Variants in ZNF804A observed in about 807,000 individuals in gnomAD.
ZNF804A encodes the protein zinc finger protein 804A.
A neutral mutation model predicts 16.5 loss-of-function variants in ZNF804A; 2 were observed. That is an observed-to-expected ratio of 0.12 (90% CI 0.05 to 0.38). The LOEUF (loss-of-function observed/expected upper bound fraction) is 0.38, where lower values mean the gene tolerates loss of function less well. Among genes scored for constraint, ZNF804A ranks in the 10% least tolerant of loss-of-function variants. The probability of loss-of-function intolerance (pLI) is 0.99; values close to 1 mark genes in which losing one functional copy is unlikely to be tolerated. For missense variants in ZNF804A, 1,473 were observed against 1,390.7 expected, an observed-to-expected ratio of 1.06 and a Z score of -0.94; for synonymous variants, 534 against 489.6, an observed-to-expected ratio of 1.09 and a Z score of -1.20.
intron 1 of ZNF804A, among the ~76,000 whole-genome samples, chr2:184,819,248 A>C (rs1695033945): frequency 6.6e-6 from 1 of 152,054 alleles, no homozygotes; most frequent in Non-Finnish European, 1.5e-5. Flanking sequence ...TCAAATTACA[A>C]CTCAAGACTA....
chr2:184,939,029 A>G lies in ZNF804A; in HGVS notation c.*3A>G. On this transcript the variant is annotated 3_prime_UTR_variant, in exon 4 of 4. Coordinates refer to ENST00000302277, the MANE Select transcript of ZNF804A (RefSeq NM_194250.2). ...TCCCTTTGCAACCTCTCTTCTAGTC[A>G]TCACCATAATGGGAAAAAAATACTC... 6.2e-7 allele frequency: 1 copy of G among 1,611,754 alleles called. No individual in the cohort carries two copies. Among genetic ancestry groups the G allele is most frequent in the Non-Finnish European group, 8.5e-7 (1 of 1,178,364 alleles).
chr2:184,695,612 C>A (rs1321109220), intron 1 of ZNF804A, among the ~76,000 whole-genome samples: 1 of 150,662 alleles, frequency 6.6e-6, no homozygotes, highest in Non-Finnish European at 1.5e-5. Flanking sequence ...GAGATGGGGT[C>A]TTGCCATATT....
At chr2:184,674,457 G>T (rs1447441762) in intron 1 of ZNF804A, among the ~76,000 whole-genome samples, 2 of 151,738 alleles carry the variant, frequency 1.3e-5, no homozygotes, top group Non-Finnish European at 2.9e-5. Context: ...ATGATTTTTT[G>T]CAAAACAACA....
At chr2:184,619,413 A>G (rs777783559) in intron 1 of ZNF804A, among the ~76,000 whole-genome samples, 5 of 151,980 alleles carry the variant, frequency 3.3e-5, no homozygotes, top group Non-Finnish European at 7.4e-5. Context: ...ATTTATGTTG[A>G]GAAAATATTG....
chr2:184,602,082 T>G (rs1559104872), intron 1 of ZNF804A, among the ~76,000 whole-genome samples: 1 of 151,862 alleles, frequency 6.6e-6, no homozygotes, highest in Non-Finnish European at 1.5e-5. Flanking sequence ...GAGAAGATAG[T>G]CAAAATATAT....
rs187143425 is a variant in ZNF804A, at chr2:184,664,462, T to C, written c.111+65392T>C. Among the ~76,000 whole-genome samples, 47 of 152,314 alleles carry C rather than the reference T, an allele frequency of 3.1e-4. 1 individual carries two copies. The East Asian group carries it at 9.1e-3, about 29-fold the overall frequency. On this transcript the variant is annotated intron_variant, in intron 1 of 3. Coordinates refer to ENST00000302277, the MANE Select transcript of ZNF804A (RefSeq NM_194250.2). Reference sequence around the variant, plus strand: ...ACTATAACCTTAAATATGAAGAACATGTATTTCCTCTTAGTAATTCTGATC... The same window carrying C: ...ACTATAACCTTAAATATGAAGAACACGTATTTCCTCTTAGTAATTCTGATC...
chr2:184,906,578 G>A (rs892542822), intron 2 of ZNF804A, among the ~76,000 whole-genome samples: 1 of 151,932 alleles, frequency 6.6e-6, no homozygotes. Context: ...TGGGATTATG[G>A]GCATGAGCCA....
rs976186391 is a variant in ZNF804A, at chr2:184,834,752, T to A, written c.112-31617T>A. Among the ~76,000 whole-genome samples the A allele has an allele frequency of 3.9e-4, 59 of 152,148 alleles. 1 individual carries two copies. Among genetic ancestry groups the A allele is most frequent in the Admixed American group, 2.6e-4 (4 of 15,242 alleles). ...ACTATCTATCACCATAGAATATTTA[T>A]GATTGCTTTTGTGTATTTTACATTC... On this transcript the variant is annotated intron_variant, in intron 1 of 3. Coordinates refer to ENST00000302277, the MANE Select transcript of ZNF804A (RefSeq NM_194250.2).
At chr2:184,714,208 T>G (rs948641630) in intron 1 of ZNF804A, among the ~76,000 whole-genome samples, 3 of 152,012 alleles carry the variant, frequency 2.0e-5, no homozygotes, top group African/African-American at 7.2e-5. Flanking sequence ...ACAAAAGTCA[T>G]TCAGAAACAT....
intron 1 of ZNF804A, among the ~76,000 whole-genome samples, chr2:184,768,487 G>A (rs1163734474): frequency 1.3e-5 from 2 of 152,036 alleles, no homozygotes; most frequent in Non-Finnish European, 2.9e-5. Context: ...AAAGAATGGT[G>A]GTTCTTAAAT....
intron 2 of ZNF804A, among the ~76,000 whole-genome samples, chr2:184,928,064 A>T (rs10192855): frequency 0.043 from 6,506 of 151,844 alleles, 446 homozygotes; most frequent in African/African-American, 0.15. Context: ...CCCCATATCC[A>T]CCACAACTGG....
At chr2:184,641,043 T>G (rs1435085023) in intron 1 of ZNF804A, among the ~76,000 whole-genome samples, 3 of 152,118 alleles carry the variant, frequency 2.0e-5, no homozygotes, top group African/African-American at 7.2e-5. Context: ...CAACCTCCGC[T>G]TCCTGGGTTC....
At chr2:184,876,804 C>T (rs1290558172) in intron 2 of ZNF804A, among the ~76,000 whole-genome samples, 2 of 152,022 alleles carry the variant, frequency 1.3e-5, no homozygotes, top group Non-Finnish European at 2.9e-5. Flanking sequence ...TTGACTCAGC[C>T]CCTGTTGAGG....
intron 1 of ZNF804A, among the ~76,000 whole-genome samples, chr2:184,688,816 T>G (rs1446407425): frequency 6.6e-6 from 1 of 152,132 alleles, no homozygotes; most frequent in Non-Finnish European, 1.5e-5. Context: ...TTTTTAAAAT[T>G]CCAATTAGAG....
intron 1 of ZNF804A, among the ~76,000 whole-genome samples, chr2:184,635,483 T>G (rs1418902043): frequency 6.6e-6 from 1 of 152,150 alleles, no homozygotes; most frequent in African/African-American, 2.4e-5. Flanking sequence ...TAATGAATCT[T>G]ATATTTATAT....
chr2:184,937,333 C>T lies in ZNF804A; in HGVS notation c.1937C>T (p.Ala646Val). ...ATTTCAGAAAAGCAGTATTTAGCTGCAGAGCAATTATTAGACTCACATCAG... is the reference window on the plus strand; with the variant it reads ...ATTTCAGAAAAGCAGTATTTAGCTGTAGAGCAATTATTAGACTCACATCAG... ...EPISEKQYLA[A>V]EQLLDSHQLL... is the part of the protein sequence containing the mutation. Residue 646 changes from alanine (A) to valine (V), a missense_variant, in exon 4 of 4, where the codon GCA becomes GTA. Ala to Val is a moderately conservative substitution (Grantham distance 64). Transcript: ENST00000302277. 6.2e-7 allele frequency: 1 copy of T among 1,613,828 alleles called. No individual in the cohort carries two copies.
chr2:184,855,212 G>T (rs551263178), intron 1 of ZNF804A, among the ~76,000 whole-genome samples: 9 of 152,028 alleles, frequency 5.9e-5, no homozygotes, highest in Non-Finnish European at 1.2e-4. Flanking sequence ...AATGCAGTAG[G>T]CATGCATAAG....
At chr2:184,632,749 C>G (rs1371632588) in intron 1 of ZNF804A, among the ~76,000 whole-genome samples, 6 of 152,102 alleles carry the variant, frequency 3.9e-5, no homozygotes, top group Non-Finnish European at 4.4e-5. Flanking sequence ...CTTTCTAAAC[C>G]TCAGAATTTC....
intron 1 of ZNF804A, among the ~76,000 whole-genome samples, chr2:184,809,484 A>C (rs1254728573): frequency 6.6e-6 from 1 of 151,836 alleles, no homozygotes; most frequent in African/African-American, 2.4e-5. Context: ...TATTTAGAAA[A>C]TTTGTTTATT....
Sources: allele counts gnomAD v4.1 joint callset (sites outside exome capture counted in the v4.1 genomes callset), GRCh38; gene constraint gnomAD v4.1.1; transcripts MANE v1.5; gene names NCBI Gene and HGNC (gene_info 2026-07-23, HGNC 2026-07-21).